Variants in ATP8B3 observed in about 807,000 individuals in gnomAD.
ATP8B3 encodes the protein phospholipid-transporting ATPase IK.
A neutral mutation model predicts 140.9 loss-of-function variants in ATP8B3; 141 were observed. That is an observed-to-expected ratio of 1.00 (90% CI 0.87 to 1.15). The LOEUF is 1.15. Among genes scored for constraint, ATP8B3 ranks in the 50% most tolerant of loss-of-function variants. The probability of loss-of-function intolerance (pLI) is 0.00; values close to 1 mark genes in which losing one functional copy is unlikely to be tolerated. For missense variants in ATP8B3, 1,874 were observed against 1,740.6 expected, an observed-to-expected ratio of 1.08 and a Z score of -1.36; for synonymous variants, 765 against 714.6, an observed-to-expected ratio of 1.07 and a Z score of -1.13.
chr19:1,796,642 C>T (rs999421715), intron 16 of ATP8B3, 69 bp downstream of exon 16: 24 of 1,529,788 alleles, frequency 1.6e-5, no homozygotes, highest in Non-Finnish European at 1.8e-5. Flanking sequence ...GGGTGAGCTG[C>T]GGGGCTGGGG....
intron 14 of ATP8B3, among the ~76,000 whole-genome samples, chr19:1,797,468 TTTTATTTATTTATTTA>T (rs5826746): frequency 0.13 from 18,914 of 142,448 alleles, 1,580 homozygotes; most frequent in African/African-American, 0.23. Context: ...TCTTTTTTAT[TTTTATTTATTTATTTA>T]TTTATTTATT....
At chr19:1,810,991 GC>G (rs2069172937) in intron 2 of ATP8B3, among the ~76,000 whole-genome samples, 1 of 152,138 alleles carries the variant, frequency 6.6e-6, no homozygotes, top group South Asian at 2.1e-4. Context: ...CGCCAGCCAT[GC>G]CAGCCTCTGG....
intron 11 of ATP8B3, 80 bp downstream of exon 11, chr19:1,802,407 A>ACCCCCCCCCCCCCCCCCCCCCCC: frequency 3.1e-6 from 1 of 318,102 alleles, no homozygotes; most frequent in Non-Finnish European, 6.0e-6. Flanking sequence ...CCACCCACCT[A>ACCCCCCCCCCCCCCCCCCCCCCC]CCCACCCACC....
rs770338692 is a variant in ATP8B3 at position 1,800,167 on chromosome 19, C to A, written c.1344-12G>T. 1 of 1,561,462 alleles carries A rather than the reference C, an allele frequency of 6.4e-7. No homozygotes were observed. The highest frequency in any genetic ancestry group is 1.4e-5 in the African/African-American group (1 of 73,872). ...AGATGAACTCGGACCTGCAGAGGCA[C>A]TCAGGGTCACGGTCAGCCCCGCCTG... On this transcript the variant is annotated splice_polypyrimidine_tract_variant and intron_variant, in intron 13 of 28. Coordinates refer to ENST00000310127, the MANE Select transcript of ATP8B3 (RefSeq NM_138813.4). This position sits in a 1 kb window ranked among gnomAD's most constrained non-coding sequence, Gnocchi z 4.4.
intron 21 of ATP8B3, among the ~76,000 whole-genome samples, chr19:1,790,216 T>C (rs1600406756): frequency 1.6e-5 from 1 of 61,020 alleles, no homozygotes; most frequent in Non-Finnish European, 3.1e-5. Context: ...CTTCCCTCTC[T>C]CCTCCCCTCT....
rs375828266 is a variant in ATP8B3 at position 1,789,994 on chromosome 19, G to A, written c.2379-5C>T. 2.1e-5 allele frequency: 33 copies of A among 1,605,512 alleles called. No individual in the cohort carries two copies. The African/African-American group carries it at 2.8e-4, about 14-fold the overall frequency. ...CAGTAGGTCTCCAGGATGCGGCTGC[G>A]GGGCGCAGGGGTCAGCGGGGCAGGG... On this transcript the variant is annotated splice_region_variant and splice_polypyrimidine_tract_variant and intron_variant, in intron 21 of 28. Coordinates refer to ENST00000310127, the MANE Select transcript of ATP8B3 (RefSeq NM_138813.4).
At position 1,806,133 on chromosome 19, in the gene ATP8B3, C is replaced by T; in HGVS notation, c.714G>A (p.Gly238=). The change falls in exon 8 of 29, where the codon GGG becomes GGA. Residue 238 remains glycine (G), a synonymous_variant. Coordinates refer to ENST00000310127, the MANE Select transcript of ATP8B3 (RefSeq NM_138813.4). This position sits in a 1 kb window ranked among gnomAD's most constrained non-coding sequence, Gnocchi z 5.6. ...KQKKWQDLCV[G]DVVCLRKDNI... ...TGTCCTTGCGGAGACAGACCACATC[C>T]CCCACGCACAGATCCTGCCATTTCT... The T allele has an allele frequency of 6.2e-7, 1 of 1,602,040 alleles. No individual in the cohort carries two copies. Among genetic ancestry groups the T allele is most frequent in the South Asian group, 1.1e-5 (1 of 89,438 alleles).
chr19:1,791,618 T>C (rs1166899031), intron 20 of ATP8B3, 132 bp downstream of exon 20: 3 of 671,434 alleles, frequency 4.5e-6, no homozygotes, highest in African/African-American at 1.8e-5. Context: ...GTCTCGAACT[T>C]CTGACCTCAA....
At chr19:1,787,048 AG>A (rs1303589997) in intron 25 of ATP8B3, 54 bp downstream of exon 25, 2 of 1,465,326 alleles carry the variant, frequency 1.4e-6, no homozygotes, top group African/African-American at 1.4e-5. Flanking sequence ...AGCGGAGGAG[AG>A]GAGGAGAGGC....
chr19:1,800,200 C>A lies in ATP8B3; in HGVS notation c.1344-45G>T. 1 of 1,588,862 alleles carries A rather than the reference C, an allele frequency of 6.3e-7. No individual in the cohort carries two copies. The highest frequency in any genetic ancestry group is 8.6e-7 in the Non-Finnish European group (1 of 1,166,896). On this transcript the variant is annotated intron_variant, in intron 13 of 28. Coordinates refer to ENST00000310127, the MANE Select transcript of ATP8B3 (RefSeq NM_138813.4). This position sits in a 1 kb window ranked among gnomAD's most constrained non-coding sequence, Gnocchi z 4.4. ...CACGGTCAGCCCCGCCTGCTGTGTGCCATCCCCATGCCTCCCCGTTCCGCG... is the reference window on the plus strand; with the variant it reads ...CACGGTCAGCCCCGCCTGCTGTGTGACATCCCCATGCCTCCCCGTTCCGCG...
chr19:1,806,426 T>C lies in ATP8B3; in HGVS notation c.677+202A>G. 6.9e-7 allele frequency: 1 copy of C among 1,449,234 alleles called. No individual in the cohort carries two copies. The highest frequency in any genetic ancestry group is 9.0e-7 in the Non-Finnish European group (1 of 1,107,336). The allele number at this position is 1,449,234 out of a possible 1,614,324, so 89.8% of individuals were successfully genotyped here. On this transcript the variant is annotated intron_variant, in intron 7 of 28. Coordinates refer to ENST00000310127, the MANE Select transcript of ATP8B3 (RefSeq NM_138813.4). This position sits in a 1 kb window ranked among gnomAD's most constrained non-coding sequence, Gnocchi z 5.6. Reference sequence around the variant, plus strand: ...TCCCCATCGCCCGAGCCCTAAGCTCTGCAAGGGTTCGCCATCAGGGCCTCG... The same window carrying C: ...TCCCCATCGCCCGAGCCCTAAGCTCCGCAAGGGTTCGCCATCAGGGCCTCG...
At chr19:1,809,836 C>T in intron 3 of ATP8B3, 102 bp from the exon 4 acceptor site, 1 of 1,090,088 alleles carries the variant, frequency 9.2e-7, no homozygotes, top group South Asian at 1.3e-5. Flanking sequence ...GACCCAGGCA[C>T]TGGGGAGGCC....
chr19:1,796,679 G>A (rs370376804), intron 16 of ATP8B3, 32 bp downstream of exon 16: 53 of 1,597,000 alleles, frequency 3.3e-5, no homozygotes, highest in South Asian at 6.6e-5. Flanking sequence ...GGGGCTGAGC[G>A]GCCTCAGAGA....
intron 22 of ATP8B3, 60 bp downstream of exon 22, chr19:1,789,830 C>CG: frequency 1.3e-6 from 2 of 1,595,966 alleles, no homozygotes; most frequent in Non-Finnish European, 1.7e-6. Context: ...CCGAGCCCGC[C>CG]GCCCCTCCAG....
chr19:1,786,312 T>C, intron 25 of ATP8B3, among the ~76,000 whole-genome samples: 1 of 152,008 alleles, frequency 6.6e-6, no homozygotes, highest in Admixed American at 6.6e-5. Context: ...ACGCCTGTAA[T>C]CCCAGCACTT....
At position 1,790,836 on chromosome 19, in the gene ATP8B3, C is replaced by G; in HGVS notation, c.2303-4G>C. 1 of 1,594,452 alleles carries G rather than the reference C, an allele frequency of 6.3e-7. No individual in the cohort carries two copies. Among genetic ancestry groups the G allele is most frequent in the South Asian group, 1.1e-5 (1 of 87,926 alleles). Reference sequence around the variant, plus strand: ...AAGCCGATGTTCACAGCCGTTTCTGCGAAGCAGACCAGCTCAGCGCCTCTG... The same window carrying G: ...AAGCCGATGTTCACAGCCGTTTCTGGGAAGCAGACCAGCTCAGCGCCTCTG... On this transcript the variant is annotated splice_polypyrimidine_tract_variant and splice_region_variant and intron_variant, in intron 20 of 28. Coordinates refer to ENST00000310127, the MANE Select transcript of ATP8B3 (RefSeq NM_138813.4).
At position 1,811,555 on chromosome 19, in the gene ATP8B3, C is replaced by T; in HGVS notation, c.182G>A (p.Gly61Glu). ...RAGMGDSPGRGAPERRHKAQP... is the reference protein window; with the variant it reads ...RAGMGDSPGREAPERRHKAQP... ...GGCCTTGTGCCTCCTCTCAGGTGCC[C>T]CTCTGCCTGGGGAGTCTCCCATCCC... Residue 61 changes from glycine to glutamate, a missense_variant, in exon 2 of 29, where the codon GGG becomes GAG. Coordinates refer to ENST00000310127, the MANE Select transcript of ATP8B3 (RefSeq NM_138813.4). 2 of 1,612,350 alleles carry T rather than the reference C, an allele frequency of 1.2e-6. No individual in the cohort carries two copies. Among genetic ancestry groups the T allele is most frequent in the Non-Finnish European group, 1.7e-6 (2 of 1,179,798 alleles).
Position 1,789,517 on chromosome 19 carries a change from G to C in ATP8B3, c.2689C>G (p.Arg897Gly). 1.3e-6 allele frequency: 2 copies of C among 1,598,138 alleles called. No homozygotes were observed. The highest frequency in any genetic ancestry group is 2.2e-5 in the South Asian group (2 of 90,900). ...TTGGACGCCAGGTCCACGAAGGCGC[G>C]CTCCTGCAGCACCTCGGAGCTACGG... ...ARRSSEVLQE[R>G]AFVDLASKCQ... is the part of the protein sequence containing the mutation. Residue 897 changes from arginine to glycine, a missense_variant, in exon 23 of 29, where the codon CGC (arginine) becomes GGC (glycine). Around this residue, in one of 3 missense-constraint regions of ATP8B3, gnomAD observed 840 missense variants for 760.9 expected, o/e 1.10. Coordinates refer to ENST00000310127, the MANE Select transcript of ATP8B3 (RefSeq NM_138813.4).
At chr19:1,798,710 C>G (rs956513116) in intron 14 of ATP8B3, 1 of 151,710 alleles carries the variant, frequency 6.6e-6, no homozygotes, top group African/African-American at 2.4e-5. Context: ...TGCACTCCAG[C>G]CTGGGCGACA....
Sources: gnomAD v4.1 joint callset for allele counts (sites outside exome capture counted in the v4.1 genomes callset) on GRCh38, gnomAD v4.1.1 for gene constraint, gnomAD v4.1.1 regional missense constraint, Gnocchi (gnomAD v3.1) non-coding constraint, MANE v1.5 for transcripts, NCBI Gene and HGNC (gene_info 2026-07-23, HGNC 2026-07-21) for gene names.